Variants in NR5A2 observed in about 807,000 individuals in gnomAD.
NR5A2 encodes the protein CYP7A promoter-binding factor.
Under a neutral mutation model 62.7 loss-of-function variants are expected in NR5A2, and 26 were observed. The observed-to-expected ratio is 0.41, with a 90% CI of 0.30 to 0.58. NR5A2 has a LOEUF of 0.58. Among genes scored for constraint, NR5A2 ranks in the 20% least tolerant of loss-of-function variants. NR5A2 has a pLI of 0.22. For synonymous variants in NR5A2, 246 were observed against 241.7 expected (o/e 1.02, Z -0.16); for missense variants, 541 against 669.1 (o/e 0.81, Z 2.11).
At chr1:200,120,360 G>A (rs1336478374) in intron 6 of NR5A2, among the ~76,000 whole-genome samples, 1 of 152,096 alleles carries the variant, frequency 6.6e-6, no homozygotes, top group Non-Finnish European at 1.5e-5. Context: ...ATTCATGAGA[G>A]TTAAAATTTT....
chr1:200,122,141 C>T (rs770874398), intron 7 of NR5A2, among the ~76,000 whole-genome samples: 13 of 152,102 alleles, frequency 8.5e-5, no homozygotes, highest in Non-Finnish European at 1.6e-4. Flanking sequence ...CAAAGGTTTA[C>T]AATGCCAAGA....
At chr1:200,173,399 G>A (rs372071807) in intron 7 of NR5A2, among the ~76,000 whole-genome samples, 1 of 152,218 alleles carries the variant, frequency 6.6e-6, no homozygotes, top group Non-Finnish European at 1.5e-5. Flanking sequence ...CGAATATTCT[G>A]TTGGCAGTCA....
intron 5 of NR5A2, among the ~76,000 whole-genome samples, chr1:200,094,619 G>T (rs999813009): frequency 7.7e-6 from 1 of 129,944 alleles, no homozygotes; most frequent in Admixed American, 9.9e-5. Context: ...TGCAAGCTCT[G>T]CCTCCTGGGT....
intron 5 of NR5A2, 115 bp from the exon 6 acceptor site, chr1:200,111,087 C>G: frequency 8.2e-7 from 1 of 1,224,496 alleles, no homozygotes; most frequent in Non-Finnish European, 1.1e-6. Context: ...TGGGTGGAGA[C>G]TTTCTTGTTT....
intron 2 of NR5A2, 104 bp from the exon 3 acceptor site, chr1:200,043,670 C>A: frequency 1.6e-6 from 1 of 618,882 alleles, no homozygotes; most frequent in Non-Finnish European, 2.7e-6. Flanking sequence ...TATATTTTAC[C>A]ATGTGATATT....
chr1:200,112,962 AAT>A (rs2102296314), intron 6 of NR5A2, among the ~76,000 whole-genome samples: 1 of 152,322 alleles, frequency 6.6e-6, no homozygotes, highest in South Asian at 2.1e-4. Flanking sequence ...GCTCTTTAGA[AAT>A]ATTTCTTATT....
chr1:200,144,734 T>C (rs1667609386), intron 7 of NR5A2, among the ~76,000 whole-genome samples: 1 of 152,260 alleles, frequency 6.6e-6, no homozygotes, highest in Admixed American at 6.5e-5. Flanking sequence ...AAGGCCTTTT[T>C]AGATACATCG....
intron 5 of NR5A2, among the ~76,000 whole-genome samples, chr1:200,067,957 G>A (rs1335396224): frequency 6.6e-6 from 1 of 152,250 alleles, no homozygotes; most frequent in East Asian, 1.9e-4. Flanking sequence ...TATTTAAAGT[G>A]TGAAATATTA....
chr1:200,106,648 T>C (rs2102283872), intron 5 of NR5A2, among the ~76,000 whole-genome samples: 1 of 152,348 alleles, frequency 6.6e-6, no homozygotes, highest in East Asian at 1.9e-4. Context: ...ACTGCCTAGA[T>C]GCCACTCTAA....
At chr1:200,049,732 T>C (rs1293904585) in intron 5 of NR5A2, among the ~76,000 whole-genome samples, 1 of 152,154 alleles carries the variant, frequency 6.6e-6, no homozygotes, top group African/African-American at 2.4e-5. Flanking sequence ...CGGGGAGAGA[T>C]GTGGCTGCTA....
At chr1:200,112,734 A>T (rs961571628) in intron 6 of NR5A2, among the ~76,000 whole-genome samples, 1 of 152,014 alleles carries the variant, frequency 6.6e-6, no homozygotes. Flanking sequence ...GTGCTTTCAA[A>T]TTTTTTTTGG....
intron 5 of NR5A2, among the ~76,000 whole-genome samples, chr1:200,069,692 C>T (rs1309368015): frequency 6.6e-6 from 1 of 152,124 alleles, no homozygotes; most frequent in Admixed American, 6.5e-5. Flanking sequence ...CCTCATACTG[C>T]AGAAATTTAA....
chr1:200,044,528 A>G (rs926980524), intron 3 of NR5A2: 19 of 152,132 alleles, frequency 1.2e-4, no homozygotes, highest in African/African-American at 4.6e-4. Flanking sequence ...TTATACTTTA[A>G]GAATTTATCT....
intron 3 of NR5A2, chr1:200,044,591 T>C (rs1263980395): frequency 6.6e-6 from 1 of 151,844 alleles, no homozygotes; most frequent in Non-Finnish European, 1.5e-5. Flanking sequence ...TTTTTCAAAG[T>C]TTTTTTTGTT....
At chr1:200,035,069 G>T (rs1357588579) in intron 1 of NR5A2, among the ~76,000 whole-genome samples, 1 of 152,004 alleles carries the variant, frequency 6.6e-6, no homozygotes, top group Non-Finnish European at 1.5e-5. Flanking sequence ...TTTTTCGGCT[G>T]GGAGGGGCGG....
At chr1:200,157,509 A>C (rs16846143) in intron 7 of NR5A2, among the ~76,000 whole-genome samples, 1,895 of 152,332 alleles carry the variant, frequency 0.012, 37 homozygotes, top group African/African-American at 0.044. Flanking sequence ...ACACTGAAAA[A>C]AAAATAGGAT....
At chr1:200,121,184 C>A (rs1383585011) in intron 7 of NR5A2, among the ~76,000 whole-genome samples, 1 of 152,086 alleles carries the variant, frequency 6.6e-6, no homozygotes, top group East Asian at 1.9e-4. Context: ...TTGACTCATT[C>A]AAATGAGTCC....
At chr1:200,149,692 G>T (rs921452643) in intron 7 of NR5A2, among the ~76,000 whole-genome samples, 5 of 152,180 alleles carry the variant, frequency 3.3e-5, no homozygotes, top group Non-Finnish European at 1.5e-5. Flanking sequence ...CGCCAGCAGT[G>T]TGTGTGCATC....
intron 7 of NR5A2, among the ~76,000 whole-genome samples, chr1:200,170,145 TG>T (rs1416024039): frequency 6.6e-6 from 1 of 152,204 alleles, no homozygotes; most frequent in Non-Finnish European, 1.5e-5. Context: ...ATATTTCTGT[TG>T]TTAGAGACTC....
Sources: gnomAD v4.1 joint callset for allele counts (sites outside exome capture counted in the v4.1 genomes callset) on GRCh38, gnomAD v4.1.1 for gene constraint, MANE v1.5 for transcripts, NCBI Gene and HGNC (gene_info 2026-07-23, HGNC 2026-07-21) for gene names.